Variants in MSRA observed in about 807,000 individuals in gnomAD.
The protein encoded by MSRA is mitochondrial peptide methionine sulfoxide reductase.
MSRA carries 54 observed loss-of-function variants against 31.3 expected under a neutral mutation model. The observed-to-expected ratio is 1.73, with a 90% CI of 1.39 to 2.17. MSRA has a LOEUF of 2.17. Among genes scored for constraint, MSRA ranks in the 30% most tolerant of loss-of-function variants. The pLI is 0.00. For missense variants in MSRA, 507 were observed against 300.9 expected, an observed-to-expected ratio of 1.69 and a Z score of -5.07; for synonymous variants, 169 against 116.5, an observed-to-expected ratio of 1.45 and a Z score of -2.90.
At chr8:10,336,867 T>C (rs1803078921) in intron 5 of MSRA, 1 of 152,178 alleles carries the variant, frequency 6.6e-6, no homozygotes, top group Admixed American at 6.5e-5. Context: ...GCAAACACAG[T>C]CTGGGGCAAA....
In MSRA at chr8:10,386,965, T is replaced by A. The variant is rs182229432; in HGVS notation, c.544-41183T>A. 2.2e-4 allele frequency among the ~76,000 whole-genome samples: 34 copies of A among 151,416 alleles called. No individual in the cohort carries two copies. The East Asian group carries it at 6.4e-3, about 29-fold the overall frequency. The stretch of plus-strand genomic sequence containing the variant: ...GGCTGAACTGCAGCTGGTGGAGCAG[T>A]GCCTGTCAAATATTGATGTGCGTGC... On this transcript the variant is annotated intron_variant, in intron 5 of 5. Transcript: ENST00000317173.
intron 5 of MSRA, among the ~76,000 whole-genome samples, chr8:10,401,690 A>T (rs947501622): frequency 1.3e-5 from 2 of 152,360 alleles, no homozygotes; most frequent in Admixed American, 1.3e-4. Flanking sequence ...GGTAAAAAAA[A>T]AATGTGACTT....
At chr8:10,414,229 G>A (rs987745484) in intron 5 of MSRA, among the ~76,000 whole-genome samples, 1 of 152,282 alleles carries the variant, frequency 6.6e-6, no homozygotes, top group East Asian at 1.9e-4. Context: ...TATCTGGGGG[G>A]ATGGGCAAGA....
At chr8:10,287,796 C>T (rs920996242) in intron 3 of MSRA, among the ~76,000 whole-genome samples, 2 of 152,124 alleles carry the variant, frequency 1.3e-5, no homozygotes, top group Non-Finnish European at 2.9e-5. Flanking sequence ...TCAAGGGGAC[C>T]ATGGTAGAGC....
At chr8:10,221,517 G>T (rs1170046529) in intron 2 of MSRA, among the ~76,000 whole-genome samples, 1 of 151,956 alleles carries the variant, frequency 6.6e-6, no homozygotes, top group African/African-American at 2.4e-5. Context: ...GACTTCCCCA[G>T]GGTCAGGCTA....
intron 3 of MSRA, among the ~76,000 whole-genome samples, chr8:10,252,741 A>C (rs763648053): frequency 9.2e-5 from 14 of 152,186 alleles, no homozygotes; most frequent in Non-Finnish European, 1.9e-4. Context: ...TACATATAAT[A>C]AGCTGGTACG....
chr8:10,388,825 C>G (rs951992341), intron 5 of MSRA, among the ~76,000 whole-genome samples: 2 of 151,744 alleles, frequency 1.3e-5, no homozygotes, highest in Admixed American at 6.6e-5. Context: ...GCTGGTTTGA[C>G]CTACTAGATG....
At chr8:10,166,275 A>G (rs1805118179) in intron 1 of MSRA, among the ~76,000 whole-genome samples, 2 of 152,102 alleles carry the variant, frequency 1.3e-5, no homozygotes, top group Admixed American at 1.3e-4. Flanking sequence ...TTATTAATGA[A>G]ATTATCTGTA....
chr8:10,309,443 C>T (rs972850693), intron 4 of MSRA, among the ~76,000 whole-genome samples: 1 of 152,212 alleles, frequency 6.6e-6, no homozygotes, highest in African/African-American at 2.4e-5. Context: ...CTTGTTCTTT[C>T]GTGAATCCCA....
At chr8:10,404,184 A>G (rs1358519120) in intron 5 of MSRA, among the ~76,000 whole-genome samples, 2 of 152,196 alleles carry the variant, frequency 1.3e-5, no homozygotes, top group East Asian at 3.9e-4. Flanking sequence ...AGGTCACCTC[A>G]TTTCCCCACA....
chr8:10,338,918 C>T (rs1224222265), intron 5 of MSRA, among the ~76,000 whole-genome samples: 2 of 152,178 alleles, frequency 1.3e-5, no homozygotes, highest in Non-Finnish European at 2.9e-5. Flanking sequence ...CCAGAAAATG[C>T]TCTACAAATT....
rs552165999 is a variant in MSRA, at chr8:10,416,748, G to T, written c.544-11400G>T. Among the ~76,000 whole-genome samples, 3 of 152,316 alleles carry T rather than the reference G, an allele frequency of 2.0e-5. No individual in the cohort carries two copies. In the South Asian group the frequency reaches 6.2e-4, roughly 32 times the overall value. On this transcript the variant is annotated intron_variant, in intron 5 of 5. Transcript: ENST00000317173. The stretch of plus-strand genomic sequence containing the variant: ...CCTCACATGGGATTCGGTACGTCTG[G>T]GGAAGGGCCCAGACTTTGCATTTCT...
At chr8:10,075,336 C>T (rs908089255) in intron 1 of MSRA, among the ~76,000 whole-genome samples, 1 of 152,108 alleles carries the variant, frequency 6.6e-6, no homozygotes, top group Non-Finnish European at 1.5e-5. Context: ...TAATTCAGGC[C>T]AATAGGTATT....
At chr8:10,215,646 G>A (rs944816887) in intron 2 of MSRA, among the ~76,000 whole-genome samples, 7 of 152,220 alleles carry the variant, frequency 4.6e-5, no homozygotes, top group Admixed American at 6.5e-5. Flanking sequence ...GTACTGAGAA[G>A]CCCATGTTAT....
At chr8:10,377,984 C>T (rs1563411594) in intron 5 of MSRA, among the ~76,000 whole-genome samples, 1 of 152,246 alleles carries the variant, frequency 6.6e-6, no homozygotes, top group Non-Finnish European at 1.5e-5. Flanking sequence ...GCTCTGGCCC[C>T]AGAACAGAAG....
chr8:10,368,452 T>A lies in MSRA; in HGVS notation c.543+48463T>A, dbSNP rs191341176. On this transcript the variant is annotated intron_variant, in intron 5 of 5. Transcript: ENST00000317173. ...TGAAAGTGTGACTCCTTCCAGGGGC[T>A]GTGAGTGTTGATCTGCGGAAGCCCT... is the stretch of plus-strand genomic sequence containing the variant. Among the ~76,000 whole-genome samples, 504 of 152,326 alleles carry A rather than the reference T, an allele frequency of 3.3e-3. 3 individuals carry two copies. The highest frequency in any genetic ancestry group is 0.012 in the African/African-American group (479 of 41,574).
At chr8:10,358,261 C>T (rs1242822505) in intron 5 of MSRA, among the ~76,000 whole-genome samples, 2 of 152,146 alleles carry the variant, frequency 1.3e-5, no homozygotes, top group Non-Finnish European at 2.9e-5. Context: ...AATCTTGGTT[C>T]TTAAAGATAC....
intron 1 of MSRA, among the ~76,000 whole-genome samples, chr8:10,081,461 T>G (rs905301479): frequency 2.0e-5 from 3 of 152,200 alleles, no homozygotes; most frequent in African/African-American, 7.2e-5. Context: ...CATCTCCAGA[T>G]GCTACCTCTT....
intron 5 of MSRA, among the ~76,000 whole-genome samples, chr8:10,342,721 C>CA (rs1038114904): frequency 3.3e-4 from 51 of 152,292 alleles, no homozygotes; most frequent in African/African-American, 1.2e-3. Flanking sequence ...AGAGGTAAAG[C>CA]AATGCTCCCA....
Sources: allele counts gnomAD v4.1 joint callset (sites outside exome capture counted in the v4.1 genomes callset), GRCh38; gene constraint gnomAD v4.1.1; transcripts MANE v1.5; gene names NCBI Gene and HGNC (gene_info 2026-07-23, HGNC 2026-07-21).